CA10: variants seen among roughly 807,000 people sequenced by gnomAD.
The protein encoded by CA10 is carbonic anhydrase 10 (inactive).
A neutral mutation model predicts 44.2 loss-of-function variants in CA10; 14 were observed. The observed-to-expected ratio is 0.32, with a 90% CI of 0.21 to 0.50. The LOEUF (loss-of-function observed/expected upper bound fraction) is 0.50, where lower values mean the gene tolerates loss of function less well. Among genes scored for constraint, CA10 ranks in the 20% least tolerant of loss-of-function variants. The pLI is 0.99. For synonymous variants in CA10, 159 were observed against 141.6 expected (o/e 1.12, Z -0.87); for missense variants, 350 against 409.7 (o/e 0.85, Z 1.26).
chr17:51,764,116 A>G (rs950756332), intron 3 of CA10, among the ~76,000 whole-genome samples: 2 of 152,158 alleles, frequency 1.3e-5, no homozygotes, highest in Non-Finnish European at 2.9e-5. Flanking sequence ...TGAAACATGA[A>G]AAAAATGTGC....
chr17:51,742,391 C>A (rs1170290089), intron 4 of CA10, among the ~76,000 whole-genome samples: 1 of 152,230 alleles, frequency 6.6e-6, no homozygotes, highest in Non-Finnish European at 1.5e-5. Context: ...GCACTCCTCA[C>A]AAGCCATTCA....
intron 2 of CA10, among the ~76,000 whole-genome samples, chr17:52,017,644 T>A (rs921513507): frequency 6.6e-6 from 1 of 152,092 alleles, no homozygotes; most frequent in Non-Finnish European, 1.5e-5. Context: ...GAATTTACAA[T>A]AAAAAGGACT....
intron 2 of CA10, among the ~76,000 whole-genome samples, chr17:51,934,622 G>A (rs1279890015): frequency 2.6e-5 from 4 of 152,068 alleles, no homozygotes; most frequent in African/African-American, 9.7e-5. Context: ...ATACATAGAA[G>A]GGCCTGGGTG....
At chr17:52,080,118 C>A (rs1987928459) in intron 1 of CA10, among the ~76,000 whole-genome samples, 1 of 152,130 alleles carries the variant, frequency 6.6e-6, no homozygotes, top group African/African-American at 2.4e-5. Flanking sequence ...GCGGGTAGCC[C>A]GTATTACTTT....
chr17:52,118,324 T>G (rs1391495711), intron 1 of CA10, among the ~76,000 whole-genome samples: 1 of 152,134 alleles, frequency 6.6e-6, no homozygotes, highest in African/African-American at 2.4e-5. Flanking sequence ...AAGAGAAAAA[T>G]TTTTTGGAAA....
At chr17:51,820,185 G>A (rs971672351) in intron 3 of CA10, among the ~76,000 whole-genome samples, 1 of 75,382 alleles carries the variant, frequency 1.3e-5, no homozygotes, top group African/African-American at 6.5e-5. Context: ...CCTGAGCGCC[G>A]CCCCCCCCCC....
intron 3 of CA10, among the ~76,000 whole-genome samples, chr17:51,870,487 G>T (rs1234996650): frequency 2.0e-5 from 3 of 152,180 alleles, no homozygotes; most frequent in African/African-American, 7.2e-5. Flanking sequence ...CATGCAAAGA[G>T]AATGGATGTG....
intron 2 of CA10, among the ~76,000 whole-genome samples, chr17:51,982,551 G>A (rs1984687035): frequency 6.6e-6 from 1 of 151,928 alleles, no homozygotes; most frequent in Non-Finnish European, 1.5e-5. Flanking sequence ...TTCAAACTTT[G>A]GTTGAACTAA....
At chr17:52,152,139 T>C (rs1989717011) in intron 1 of CA10, among the ~76,000 whole-genome samples, 1 of 151,972 alleles carries the variant, frequency 6.6e-6, no homozygotes, top group African/African-American at 2.4e-5. Flanking sequence ...CTCAACTGTC[T>C]ACAATCTCAA....
chr17:51,809,925 T>C (rs1907289118), intron 3 of CA10, among the ~76,000 whole-genome samples: 1 of 152,274 alleles, frequency 6.6e-6, no homozygotes, highest in East Asian at 1.9e-4. Context: ...CAGATATTCA[T>C]TAAACATCTA....
At chr17:51,768,754 TAC>T (rs1198973982) in intron 3 of CA10, among the ~76,000 whole-genome samples, 2 of 152,242 alleles carry the variant, frequency 1.3e-5, no homozygotes, top group Non-Finnish European at 2.9e-5. Flanking sequence ...CCTGTGAGGC[TAC>T]ACTGCAAGTC....
intron 3 of CA10, among the ~76,000 whole-genome samples, chr17:51,839,500 CAAAAAAAAAAA>C (rs34200978): frequency 3.9e-4 from 14 of 36,286 alleles, no homozygotes; most frequent in African/African-American, 1.8e-3. Flanking sequence ...GACTCCTTCT[CAAAAAAAAAAA>C]AAAAAAAAAA....
chr17:52,064,277 G>A (rs1987472682), intron 2 of CA10, among the ~76,000 whole-genome samples: 1 of 152,192 alleles, frequency 6.6e-6, no homozygotes, highest in African/African-American at 2.4e-5. Context: ...AGCCTTATGG[G>A]ACTCAGTAGA....
intron 3 of CA10, among the ~76,000 whole-genome samples, chr17:51,751,266 G>A (rs1904880595): frequency 6.6e-6 from 1 of 152,190 alleles, no homozygotes; most frequent in African/African-American, 2.4e-5. Flanking sequence ...GGGACTGAGG[G>A]AGGGAGGAAG....
intron 3 of CA10, among the ~76,000 whole-genome samples, chr17:51,875,487 A>T (rs966108604): frequency 1.3e-5 from 2 of 152,228 alleles, no homozygotes; most frequent in Non-Finnish European, 2.9e-5. Flanking sequence ...TACAGCTCAC[A>T]GTCCTTCTTC....
At chr17:51,670,359 G>A (rs550976055) in intron 4 of CA10, among the ~76,000 whole-genome samples, 2 of 152,182 alleles carry the variant, frequency 1.3e-5, no homozygotes, top group Non-Finnish European at 2.9e-5. Flanking sequence ...AAACTGAAGT[G>A]GGGGAGGTGA....
chr17:51,894,580 A>G (rs889313530), intron 3 of CA10, among the ~76,000 whole-genome samples: 3 of 152,148 alleles, frequency 2.0e-5, no homozygotes, highest in African/African-American at 7.2e-5. Context: ...ACATTTCAGG[A>G]ACCAATTCTA....
chr17:51,717,529 G>GTGTATA (rs1259240238), intron 4 of CA10, among the ~76,000 whole-genome samples: 2 of 50,168 alleles, frequency 4.0e-5, no homozygotes, highest in African/African-American at 1.2e-4. Context: ...AAAGAAACTG[G>GTGTATA]TATATATATA....
rs75183215 is a variant in CA10, at chr17:51,740,037, A to G, written c.465+7596T>C. ...ATTTGTGAATAATTTAACATAAAAAATTCTAGAACCTCTGTTAATATTGAC... is the reference window on the plus strand; with the variant it reads ...ATTTGTGAATAATTTAACATAAAAAGTTCTAGAACCTCTGTTAATATTGAC... On this transcript the variant is annotated intron_variant, in intron 4 of 8. Transcript: ENST00000451037. Among the ~76,000 whole-genome samples the G allele has an allele frequency of 1.1e-4, 17 of 152,042 alleles. No homozygotes were observed. In the East Asian group the frequency reaches 3.1e-3, roughly 28 times the overall value.
Sources: allele counts gnomAD v4.1 joint callset (sites outside exome capture counted in the v4.1 genomes callset), GRCh38; gene constraint gnomAD v4.1.1; transcripts MANE v1.5; gene names NCBI Gene and HGNC (gene_info 2026-07-23, HGNC 2026-07-21).